The following MPHOSPH9 variants were observed in gnomAD, a reference collection of about 807,000 sequenced individuals.
MPHOSPH9 encodes M-phase phosphoprotein 9.
Under a neutral mutation model 145.5 loss-of-function variants are expected in MPHOSPH9, and 88 were observed. That is an observed-to-expected ratio of 0.60 (90% CI 0.51 to 0.72). The LOEUF (loss-of-function observed/expected upper bound fraction) is 0.72. Ranked by LOEUF, MPHOSPH9 falls within the 30% of genes least tolerant of loss-of-function variation. MPHOSPH9 has a pLI of 0.00. For synonymous variants in MPHOSPH9, 435 were observed against 486.2 expected, an observed-to-expected ratio of 0.89 and a Z score of 1.39; for missense variants, 1,238 against 1,386.6, an observed-to-expected ratio of 0.89 and a Z score of 1.70.
chr12:123,227,187 G>C (rs2047469502), intron 3 of MPHOSPH9, among the ~76,000 whole-genome samples: 1 of 152,120 alleles, frequency 6.6e-6, no homozygotes, highest in South Asian at 2.1e-4. Context: ...TAATAATTTT[G>C]GGATTCTCAG....
intron 7 of MPHOSPH9, among the ~76,000 whole-genome samples, 188 bp downstream of exon 7, chr12:123,214,556 G>A (rs529850079): frequency 8.6e-4 from 131 of 151,948 alleles, no homozygotes; most frequent in African/African-American, 3.0e-3. Flanking sequence ...AACAAACAAA[G>A]GTAAGGCTGC....
At position 123,202,925 on chromosome 12, in the gene MPHOSPH9, A is replaced by G. The variant is rs1210021333; in HGVS notation, c.1480T>C (p.Ser494Pro). The G allele has an allele frequency of 6.2e-7, 1 of 1,614,066 alleles. No individual in the cohort carries two copies. Among genetic ancestry groups the G allele is most frequent in the East Asian group, 2.2e-5 (1 of 44,898 alleles). Reference protein sequence around the residue: ...MSSPSDIDSFSQASNVTSQLP... With the variant: ...MSSPSDIDSFPQASNVTSQLP... ...TGAGAAGTGACATTACTTGCTTGTG[A>G]AAATGAGTCTATGTCAGAGGGACTA... is the stretch of plus-strand genomic sequence containing the variant. The change falls in exon 10 of 24, where the codon TCA becomes CCA. Residue 494 changes from serine (S) to proline (P), a missense_variant. By Grantham distance (74) the Ser-to-Pro change is moderately conservative (BLOSUM62 -1). Around this residue, in one of 3 missense-constraint regions of MPHOSPH9, gnomAD observed 837 missense variants for 897.5 expected, o/e 0.93. Coordinates refer to ENST00000606320, the MANE Select transcript of MPHOSPH9 (RefSeq NM_022782.4).
rs140304506 is a variant in MPHOSPH9 at position 123,176,747 on chromosome 12, A to G, written c.2397T>C (p.His799=). The G allele has an allele frequency of 1.9e-6, 3 of 1,613,996 alleles. No homozygotes were observed. The highest frequency in any genetic ancestry group is 2.5e-6 in the Non-Finnish European group (3 of 1,179,976). Residue 799 remains histidine, a synonymous_variant, in exon 16 of 24, where the codon CAT becomes CAC. Coordinates refer to ENST00000606320, the MANE Select transcript of MPHOSPH9 (RefSeq NM_022782.4). ...TATGACGAAGGCTTAACATATTTTC[A>G]TGTTCTACTTGCTTGACCTGAGCTT... ...KLEAQVKQVE[H]ENMLSLRHNS...
chr12:123,176,586 AT>A (rs2044874725), intron 16 of MPHOSPH9, 101 bp downstream of exon 16: 3 of 855,170 alleles, frequency 3.5e-6, no homozygotes, highest in Non-Finnish European at 5.5e-6. Context: ...CTGTAATGAC[AT>A]TTAACCCGGA....
At chr12:123,210,390 C>T (rs1049587998) in intron 7 of MPHOSPH9, among the ~76,000 whole-genome samples, 2 of 152,026 alleles carry the variant, frequency 1.3e-5, no homozygotes, top group Admixed American at 1.3e-4. Flanking sequence ...TGAGTTGGTA[C>T]AATTTAAAAT....
At chr12:123,160,946 A>G in intron 22 of MPHOSPH9, 97 bp from the exon 23 acceptor site, 1 of 1,394,420 alleles carries the variant, frequency 7.2e-7, no homozygotes, top group Non-Finnish European at 9.9e-7. Context: ...TTCCTTGTCC[A>G]TTTCATCTCA....
intron 4 of MPHOSPH9, 122 bp from the exon 5 acceptor site, chr12:123,222,017 C>G: frequency 1.5e-6 from 1 of 673,810 alleles, no homozygotes; most frequent in Non-Finnish European, 2.4e-6. Flanking sequence ...TAATGTGATA[C>G]TTTATCTTTA....
rs771872748 is a variant in MPHOSPH9 at position 123,161,322 on chromosome 12, C to T, written c.3195G>A (p.Pro1065=). 16 of 1,614,006 alleles carry T rather than the reference C, an allele frequency of 9.9e-6. No individual in the cohort carries two copies. Among genetic ancestry groups the T allele is most frequent in the Admixed American group, 1.7e-5 (1 of 60,010 alleles). Residue 1065 remains proline, a synonymous_variant, in exon 22 of 24, where the codon CCG becomes CCA. Coordinates refer to ENST00000606320, the MANE Select transcript of MPHOSPH9 (RefSeq NM_022782.4). ...NHVNHSSCPE[P]VPNGVKKVSV... is the part of the protein sequence containing the mutation. ...ATACTTTCTTCACTCCATTTGGCACCGGTTCAGGGCAAGAGCTATGATTAA... is the reference window on the plus strand; with the variant it reads ...ATACTTTCTTCACTCCATTTGGCACTGGTTCAGGGCAAGAGCTATGATTAA...
chr12:123,178,045 T>C (rs2044960033), intron 15 of MPHOSPH9, among the ~76,000 whole-genome samples: 1 of 152,186 alleles, frequency 6.6e-6, no homozygotes, highest in South Asian at 2.1e-4. Flanking sequence ...TGCTGTTCTT[T>C]TTTCCCCCCT....
chr12:123,234,871 T>A (rs2047816484), upstream of MPHOSPH9, among the ~76,000 whole-genome samples: 1 of 152,240 alleles, frequency 6.6e-6, no homozygotes, highest in African/African-American at 2.4e-5. Flanking sequence ...CACAGTGATC[T>A]CCTTAGTACC....
chr12:123,181,959 T>C (rs2045175918), intron 13 of MPHOSPH9, among the ~76,000 whole-genome samples: 1 of 152,038 alleles, frequency 6.6e-6, no homozygotes, highest in African/African-American at 2.4e-5. Context: ...ACTATTACTT[T>C]TTTTTTTTTT....
intron 1 of MPHOSPH9, chr12:123,240,701 G>A (rs1473658832): frequency 7.0e-6 from 1 of 142,960 alleles, no homozygotes; most frequent in Non-Finnish European, 1.5e-5. Flanking sequence ...CCTGAAAATA[G>A]ATTAAATATC....
At position 123,163,048 on chromosome 12, in the gene MPHOSPH9, G is replaced by A. The variant is rs758912624; in HGVS notation, c.2995C>T (p.His999Tyr). 8 of 1,593,938 alleles carry A rather than the reference G, an allele frequency of 5.0e-6. No homozygotes were observed. In the South Asian group the frequency reaches 9.3e-5, roughly 19 times the overall value. Residue 999 changes from histidine to tyrosine, a missense_variant, in exon 20 of 24, where the codon CAT (histidine) becomes TAT (tyrosine). His to Tyr is a moderately conservative substitution (Grantham distance 83, BLOSUM62 2). Transcript: ENST00000606320. Reference sequence around the variant, plus strand: ...CTGCTCTCATTTTTGCTAAGCAGATGACTAAATCCTGGGGACAAGTTTTCT... The same window carrying A: ...CTGCTCTCATTTTTGCTAAGCAGATAACTAAATCCTGGGGACAAGTTTTCT... ...PKENLSPGFSHLLSKNESSPI... is the reference protein window; with the variant it reads ...PKENLSPGFSYLLSKNESSPI...
At chr12:123,177,097 G>A (rs796283381) in intron 15 of MPHOSPH9, among the ~76,000 whole-genome samples, 3 of 152,102 alleles carry the variant, frequency 2.0e-5, no homozygotes, top group Admixed American at 2.0e-4. Flanking sequence ...GGCTGAGGCA[G>A]GAGAATCACT....
intron 6 of MPHOSPH9, 79 bp downstream of exon 6, chr12:123,218,297 G>C: frequency 6.5e-7 from 1 of 1,541,258 alleles, no homozygotes; most frequent in East Asian, 2.3e-5. Context: ...AAGGGCACAA[G>C]AGTTTTGTTC....
At chr12:123,203,780 C>T (rs1038905378) in intron 8 of MPHOSPH9, among the ~76,000 whole-genome samples, 3 of 152,062 alleles carry the variant, frequency 2.0e-5, no homozygotes, top group African/African-American at 7.2e-5. Flanking sequence ...ATCTCCCAGG[C>T]TAAAGTGATC....
chr12:123,227,983 A>G (rs1460901321), intron 2 of MPHOSPH9, among the ~76,000 whole-genome samples: 3 of 152,210 alleles, frequency 2.0e-5, no homozygotes, highest in Non-Finnish European at 4.4e-5. Context: ...TTCATTGTGC[A>G]GTGGGGATTC....
In MPHOSPH9 at chr12:123,166,593, C is replaced by T. The variant is rs534845439; in HGVS notation, c.2591+62G>A. On this transcript the variant is annotated intron_variant, in intron 17 of 23. Transcript: ENST00000606320. ...AGAGGGCTTCCCAAACTTTTAAAAG[C>T]AATTGAAATCTCTAAGAAAACATAA... 7.2e-5 allele frequency: 113 copies of T among 1,569,410 alleles called. 1 individual carries two copies. In the East Asian group the frequency reaches 2.1e-3, roughly 29 times the overall value.
chr12:123,166,095 G>A (rs2044306329), intron 17 of MPHOSPH9, among the ~76,000 whole-genome samples: 1 of 152,036 alleles, frequency 6.6e-6, no homozygotes, highest in South Asian at 2.1e-4. Flanking sequence ...ATCTGAAGTG[G>A]GAGAGGATCT....
Sources: gnomAD v4.1 joint callset for allele counts (sites outside exome capture counted in the v4.1 genomes callset) on GRCh38, gnomAD v4.1.1 for gene constraint, gnomAD v4.1.1 regional missense constraint, MANE v1.5 for transcripts, NCBI Gene and HGNC (gene_info 2026-07-23, HGNC 2026-07-21) for gene names.